The following NMT2 variants were observed in gnomAD, a reference collection of about 807,000 sequenced individuals.
NMT2 encodes the protein glycylpeptide N-tetradecanoyltransferase 2.
A neutral mutation model predicts 65.4 loss-of-function variants in NMT2; 35 were observed. The observed-to-expected ratio is 0.54, with a 90% confidence interval of 0.41 to 0.71. NMT2 has a LOEUF of 0.71. NMT2 is among the 30% of genes least tolerant of loss of function. The probability of loss-of-function intolerance (pLI) is 0.00; values close to 1 mark genes in which losing one functional copy is unlikely to be tolerated. For synonymous variants in NMT2, 226 were observed against 231.8 expected, an observed-to-expected ratio of 0.98 and a Z score of 0.23; for missense variants, 489 against 611.3, an observed-to-expected ratio of 0.80 and a Z score of 2.11.
intron 1 of NMT2, among the ~76,000 whole-genome samples, chr10:15,156,201 A>C (rs1254946962): frequency 6.6e-6 from 1 of 152,116 alleles, no homozygotes; most frequent in Non-Finnish European, 1.5e-5. Context: ...CCTGGAGGGA[A>C]GTAACTGAAT....
At position 15,107,214 on chromosome 10, in the gene NMT2, T is replaced by G. The variant is rs1845335642; in HGVS notation, c.*1981A>C. 1 of 369,268 alleles carries G rather than the reference T, an allele frequency of 2.7e-6. No individual in the cohort carries two copies. Among genetic ancestry groups the G allele is most frequent in the Admixed American group, 6.4e-5 (1 of 15,524 alleles). The allele number at this position is 369,268 out of a possible 1,614,324, so 22.9% of individuals were successfully genotyped here. Reference sequence around the variant, plus strand: ...TGCACATGTCACAAAATGATGTCATTTTTTGGCTTTTTCTCCTCAACCATT... The same window carrying G: ...TGCACATGTCACAAAATGATGTCATGTTTTGGCTTTTTCTCCTCAACCATT... On this transcript the variant is annotated 3_prime_UTR_variant, in exon 12 of 12. Transcript: ENST00000378165.
chr10:15,158,400 G>T (rs1340934749), intron 1 of NMT2, among the ~76,000 whole-genome samples: 1 of 151,642 alleles, frequency 6.6e-6, no homozygotes, highest in Non-Finnish European at 1.5e-5. Context: ...GCCCTATATA[G>T]CAGACCAAAA....
chr10:15,128,021 C>T (rs1226959056), intron 8 of NMT2, among the ~76,000 whole-genome samples: 5 of 152,164 alleles, frequency 3.3e-5, no homozygotes, highest in Non-Finnish European at 7.3e-5. Context: ...TGAGTTCCAA[C>T]GCATTAAGAG....
intron 1 of NMT2, among the ~76,000 whole-genome samples, chr10:15,160,400 G>A (rs953142550): frequency 2.6e-5 from 4 of 152,158 alleles, no homozygotes; most frequent in African/African-American, 9.7e-5. Context: ...TGCAGTGTGG[G>A]TGTGCCTGAG....
At chr10:15,140,975 C>A in intron 2 of NMT2, 1 of 1,550,150 alleles carries the variant, frequency 6.5e-7, no homozygotes, top group Non-Finnish European at 8.7e-7. Context: ...TCAAAGTCAA[C>A]GAGAGACTTA....
chr10:15,108,973 C>T lies in NMT2; in HGVS notation c.*222G>A, dbSNP rs534302758. ...CAAGAATGTGCTCTTTGTAGCCTTTCATCCCTCCCACAAATAGGTCAACAG... is the reference window on the plus strand; with the variant it reads ...CAAGAATGTGCTCTTTGTAGCCTTTTATCCCTCCCACAAATAGGTCAACAG... On this transcript the variant is annotated 3_prime_UTR_variant, in exon 12 of 12. Transcript: ENST00000378165. The T allele has an allele frequency of 1.9e-4, 254 of 1,314,952 alleles. No individual in the cohort carries two copies. In the African/African-American group the frequency reaches 3.1e-3, roughly 16 times the overall value. The allele number at this position is 1,314,952 out of a possible 1,614,324, so 81.5% of individuals were successfully genotyped here. A position where few individuals can be genotyped will look rare whatever the true frequency, so the allele number is the denominator to read the frequency against.
At chr10:15,148,256 A>T (rs1346608045) in intron 1 of NMT2, among the ~76,000 whole-genome samples, 3 of 152,226 alleles carry the variant, frequency 2.0e-5, no homozygotes, top group Non-Finnish European at 2.9e-5. Flanking sequence ...CTGTAATCCC[A>T]GCACTTTGGG....
intron 10 of NMT2, among the ~76,000 whole-genome samples, chr10:15,112,193 TATATATATATATATATATATATA>T (rs1431482891): frequency 1.6e-4 from 2 of 12,380 alleles, no homozygotes; most frequent in Non-Finnish European, 2.9e-4. Flanking sequence ...TATATATATA[TATATATATATATATATATATATA>T]TTTTTTTTTT....
chr10:15,123,668 T>A (rs1410761881), intron 8 of NMT2, among the ~76,000 whole-genome samples: 2 of 151,884 alleles, frequency 1.3e-5, no homozygotes, highest in Non-Finnish European at 2.9e-5. Context: ...TATAATGGAA[T>A]AGTGAAGCGG....
At chr10:15,110,869 C>A (rs1845489594) in intron 10 of NMT2, among the ~76,000 whole-genome samples, 1 of 152,162 alleles carries the variant, frequency 6.6e-6, no homozygotes, top group Non-Finnish European at 1.5e-5. Context: ...CGGCTCACTG[C>A]AACCTCCACC....
At chr10:15,133,815 T>G (rs1846375957) in intron 3 of NMT2, among the ~76,000 whole-genome samples, 2 of 152,194 alleles carry the variant, frequency 1.3e-5, no homozygotes, top group Admixed American at 1.3e-4. Flanking sequence ...CTCAAACTCC[T>G]GGGTTCAAGT....
chr10:15,160,201 C>T (rs193098739), intron 1 of NMT2, among the ~76,000 whole-genome samples: 2 of 152,314 alleles, frequency 1.3e-5, no homozygotes, highest in Admixed American at 6.5e-5. Flanking sequence ...ACCTCCCTCC[C>T]TCCCCATTAG....
At chr10:15,159,924 C>T (rs546261816) in intron 1 of NMT2, among the ~76,000 whole-genome samples, 1 of 152,206 alleles carries the variant, frequency 6.6e-6, no homozygotes, top group South Asian at 2.1e-4. Flanking sequence ...AAAGATGTCA[C>T]GGGAAAGATA....
intron 10 of NMT2, 124 bp from the exon 11 acceptor site, chr10:15,109,963 G>T: frequency 1.3e-6 from 1 of 761,356 alleles, no homozygotes; most frequent in Non-Finnish European, 2.1e-6. Flanking sequence ...TAACGTCCGT[G>T]ATATATAGCA....
chr10:15,127,587 T>TC (rs1846136953), intron 8 of NMT2, among the ~76,000 whole-genome samples: 1 of 87,854 alleles, frequency 1.1e-5, no homozygotes, highest in African/African-American at 7.3e-5. Flanking sequence ...AATAAATAAA[T>TC]AAATAAATAA....
At chr10:15,113,501 A>G (rs1043246975) in intron 9 of NMT2, among the ~76,000 whole-genome samples, 3 of 150,944 alleles carry the variant, frequency 2.0e-5, no homozygotes, top group Admixed American at 6.6e-5. Flanking sequence ...AAAGAAAGAT[A>G]GAAGCAGAAT....
chr10:15,121,164 G>C (rs1485141124), intron 8 of NMT2, among the ~76,000 whole-genome samples: 1 of 151,896 alleles, frequency 6.6e-6, no homozygotes, highest in East Asian at 1.9e-4. Flanking sequence ...TCCCCCCCTT[G>C]GAGAAACACT....
chr10:15,110,560 G>C (rs7077508), intron 10 of NMT2, among the ~76,000 whole-genome samples: 61,864 of 152,036 alleles, frequency 0.41, 17,106 homozygotes, highest in African/African-American at 0.8. Flanking sequence ...TGCATAAGCC[G>C]AAGAGGTCGA....
Position 15,112,286 on chromosome 10 carries a change from G to A in NMT2, c.1338+510C>T, listed in dbSNP as rs187749099. Among the ~76,000 whole-genome samples the A allele has an allele frequency of 3.8e-3, 438 of 114,458 alleles. 3 individuals carry two copies. The highest frequency in any genetic ancestry group is 0.014 in the African/African-American group (415 of 29,914). 75.1% of individuals were successfully genotyped at this position (114,458 alleles called of 152,430 possible). A position where few individuals can be genotyped will look rare whatever the true frequency, so the allele number is the denominator to read the frequency against. The stretch of plus-strand genomic sequence containing the variant: ...TCTGTCACCCAGGCTGGAGTGCAGT[G>A]GTGCAATCTCAGCTCCATTGCAACC... On this transcript the variant is annotated intron_variant, in intron 10 of 11. Transcript: ENST00000378165.
Sources: gnomAD v4.1 joint callset for allele counts (sites outside exome capture counted in the v4.1 genomes callset) on GRCh38, gnomAD v4.1.1 for gene constraint, MANE v1.5 for transcripts, NCBI Gene and HGNC (gene_info 2026-07-23, HGNC 2026-07-21) for gene names.